SLC22A23: variants seen among roughly 807,000 people sequenced by gnomAD.
SLC22A23 encodes ion transporter protein.
SLC22A23 carries 26 observed loss-of-function variants against 61.0 expected under a neutral mutation model. The ratio of observed to expected loss-of-function variants is 0.43; its 90% confidence interval spans 0.31 to 0.59. The LOEUF is 0.59. Among genes scored for constraint, SLC22A23 ranks in the 20% least tolerant of loss-of-function variants. The pLI is 0.11. For synonymous variants in SLC22A23, 430 were observed against 413.9 expected (o/e 1.04, Z -0.47); for missense variants, 796 against 934.7 (o/e 0.85, Z 1.94).
intron 9 of SLC22A23, chr6:3,282,426 G>A (rs1311613788): frequency 4.7e-6 from 3 of 634,276 alleles, no homozygotes; most frequent in East Asian, 2.8e-5. Flanking sequence ...TGTAGGATAC[G>A]ATCCAAGAGA....
intron 3 of SLC22A23, among the ~76,000 whole-genome samples, chr6:3,341,096 A>G (rs1011664810): frequency 1.5e-4 from 23 of 152,206 alleles, no homozygotes; most frequent in Non-Finnish European, 2.8e-4. Flanking sequence ...CACATTCGGA[A>G]CATACAGCAT....
chr6:3,297,859 T>C lies in SLC22A23; in HGVS notation c.1210+232A>G, dbSNP rs956550828. 6.6e-6 allele frequency among the ~76,000 whole-genome samples: 1 copy of C among 152,182 alleles called. No homozygotes were observed. The highest frequency in any genetic ancestry group is 2.4e-5 in the African/African-American group (1 of 41,446). On this transcript the variant is annotated intron_variant, in intron 5 of 9. Transcript: ENST00000406686. This position sits in a 1 kb window ranked among gnomAD's most constrained non-coding sequence, Gnocchi z 4.3. ...TGGGCTCATGGCTCGCTTCTGCATT[T>C]AGACAGGAGATGAGCAGATCCAGAG... is the stretch of plus-strand genomic sequence containing the variant.
chr6:3,456,572 C>G lies in SLC22A23; in HGVS notation c.-13G>C, dbSNP rs937446802. On this transcript the variant is annotated 5_prime_UTR_variant, in exon 1 of 10. Coordinates refer to ENST00000406686, the MANE Select transcript of SLC22A23 (RefSeq NM_015482.2). The surrounding 1 kb of genome is among the most constrained non-coding windows in gnomAD (Gnocchi z 7.1). Reference sequence around the variant, plus strand: ...GGTCTATGGCCATGGCCCGGGCCCGCGGCTCCCGCAGAGGCGCATAGAGCG... The same window carrying G: ...GGTCTATGGCCATGGCCCGGGCCCGGGGCTCCCGCAGAGGCGCATAGAGCG... 83 of 983,154 alleles carry G rather than the reference C, an allele frequency of 8.4e-5. No homozygotes were observed. Among genetic ancestry groups the G allele is most frequent in the Non-Finnish European group, 1.0e-4 (83 of 830,172 alleles). The allele number at this position is 983,154 out of a possible 1,614,324, so 60.9% of individuals were successfully genotyped here.
chr6:3,438,831 C>T (rs13213207), intron 1 of SLC22A23, among the ~76,000 whole-genome samples: 21,639 of 152,188 alleles, frequency 0.14, 1,754 homozygotes, highest in Non-Finnish European at 0.18. Flanking sequence ...TATTCCATAA[C>T]GAGCTCAGCA....
rs1353541265 is a variant in SLC22A23, at chr6:3,342,158, G to A, written c.914-18156C>T. Among the ~76,000 whole-genome samples the A allele has an allele frequency of 6.6e-6, 1 of 152,082 alleles. No individual in the cohort carries two copies. The highest frequency in any genetic ancestry group is 1.5e-5 in the Non-Finnish European group (1 of 68,008). On this transcript the variant is annotated intron_variant, in intron 3 of 9. Coordinates refer to ENST00000406686, the MANE Select transcript of SLC22A23 (RefSeq NM_015482.2). This position sits in a 1 kb window ranked among gnomAD's most constrained non-coding sequence, Gnocchi z 4.0. ...CATACTATGGGTTTAAATTTTAGGT[G>A]TGTCTGCGTGAAAATGAAAACTTAT...
At chr6:3,366,126 C>T (rs191421380) in intron 3 of SLC22A23, among the ~76,000 whole-genome samples, 13 of 151,894 alleles carry the variant, frequency 8.6e-5, no homozygotes, top group African/African-American at 2.9e-4. Flanking sequence ...GTCAGGAGAT[C>T]GAGACCACCC....
chr6:3,283,506 C>T (rs1421963525), intron 9 of SLC22A23: 1 of 339,554 alleles, frequency 2.9e-6, no homozygotes, highest in African/African-American at 2.1e-5. Context: ...GGTCTCTTAG[C>T]AGAGTTGGCA....
intron 3 of SLC22A23, among the ~76,000 whole-genome samples, chr6:3,331,279 A>C (rs1268145001): frequency 2.3e-4 from 35 of 152,166 alleles, no homozygotes. Flanking sequence ...TCTAAGCTCC[A>C]AGGAGGGAAG....
chr6:3,315,567 A>C (rs879886493), intron 4 of SLC22A23, among the ~76,000 whole-genome samples: 1 of 152,170 alleles, frequency 6.6e-6, no homozygotes, highest in Non-Finnish European at 1.5e-5. Flanking sequence ...TATTTCATGT[A>C]AGAAAAGTGT....
Position 3,342,133 on chromosome 6 carries a change from C to T in SLC22A23, c.914-18131G>A, listed in dbSNP as rs1357376723. Among the ~76,000 whole-genome samples the T allele has an allele frequency of 2.6e-5, 4 of 152,194 alleles. No individual in the cohort carries two copies. The South Asian group carries it at 8.3e-4, about 32-fold the overall frequency. On this transcript the variant is annotated intron_variant, in intron 3 of 9. Coordinates refer to ENST00000406686, the MANE Select transcript of SLC22A23 (RefSeq NM_015482.2). This position sits in a 1 kb window ranked among gnomAD's most constrained non-coding sequence, Gnocchi z 4.0. ...AACTAGCATTTTGTTCCTCTAGGTA[C>T]ATACTATGGGTTTAAATTTTAGGTG...
At chr6:3,385,000 T>C (rs1446743999) in intron 3 of SLC22A23, among the ~76,000 whole-genome samples, 1 of 152,212 alleles carries the variant, frequency 6.6e-6, no homozygotes, top group African/African-American at 2.4e-5. Flanking sequence ...ACAAATGCTG[T>C]ATGAATCCAT....
rs568194989 is a variant in SLC22A23 at position 3,285,645 on chromosome 6, G to A, written c.1547-534C>T. 2.6e-5 allele frequency among the ~76,000 whole-genome samples: 4 copies of A among 152,330 alleles called. No individual in the cohort carries two copies. The South Asian group carries it at 8.3e-4, about 32-fold the overall frequency. Reference sequence around the variant, plus strand: ...CCTGGAAGGGCAGCTGGGGAACGGGGATGGAGGGAGACAGGCGCCACGTGT... The same window carrying A: ...CCTGGAAGGGCAGCTGGGGAACGGGAATGGAGGGAGACAGGCGCCACGTGT... On this transcript the variant is annotated intron_variant, in intron 7 of 9. Coordinates refer to ENST00000406686, the MANE Select transcript of SLC22A23 (RefSeq NM_015482.2).
intron 3 of SLC22A23, among the ~76,000 whole-genome samples, chr6:3,398,322 T>C (rs3813478): frequency 0.08 from 12,171 of 152,116 alleles, 766 homozygotes; most frequent in African/African-American, 0.17. Flanking sequence ...TCTGAGCCTT[T>C]TCCCAGAACT....
chr6:3,277,772 CT>C (rs1759045654), intron 9 of SLC22A23, among the ~76,000 whole-genome samples: 1 of 152,258 alleles, frequency 6.6e-6, no homozygotes, highest in Non-Finnish European at 1.5e-5. Flanking sequence ...AATTCCCACC[CT>C]TGTGCCTTGA....
intron 3 of SLC22A23, among the ~76,000 whole-genome samples, chr6:3,350,314 C>A (rs2127433643): frequency 6.6e-6 from 1 of 152,302 alleles, no homozygotes; most frequent in East Asian, 1.9e-4. Context: ...CCAAATCCTG[C>A]TGAAGGCTGC....
At chr6:3,341,861 A>C (rs2127423113) in intron 3 of SLC22A23, among the ~76,000 whole-genome samples, 1 of 152,286 alleles carries the variant, frequency 6.6e-6, no homozygotes, top group Admixed American at 6.5e-5. Context: ...CACACCTGTA[A>C]ATCCTTTAAA....
intron 3 of SLC22A23, among the ~76,000 whole-genome samples, chr6:3,326,416 G>C (rs1432303994): frequency 6.6e-6 from 1 of 152,106 alleles, no homozygotes; most frequent in African/African-American, 2.4e-5. Flanking sequence ...CCCAGACCTA[G>C]AGAATCAGCA....
At chr6:3,412,839 C>T (rs563711748) in intron 2 of SLC22A23, among the ~76,000 whole-genome samples, 3 of 152,132 alleles carry the variant, frequency 2.0e-5, no homozygotes, top group African/African-American at 7.2e-5. Flanking sequence ...GCTCTGAAGA[C>T]GGAGGATGGG....
At position 3,386,738 on chromosome 6, in the gene SLC22A23, G is replaced by A. The variant is rs1014668885; in HGVS notation, c.913+23450C>T. 3.3e-5 allele frequency among the ~76,000 whole-genome samples: 5 copies of A among 152,202 alleles called. No individual in the cohort carries two copies. The highest frequency in any genetic ancestry group is 6.5e-5 in the Admixed American group (1 of 15,292). On this transcript the variant is annotated intron_variant, in intron 3 of 9. Transcript: ENST00000406686. The surrounding 1 kb of genome is among the most constrained non-coding windows in gnomAD (Gnocchi z 4.4). ...CACCCAGCGTGGGAGGGGTGGAGGC[G>A]GCAGTGGGACTGGGTCTCCCACCCA...
Sources: allele counts gnomAD v4.1 joint callset (sites outside exome capture counted in the v4.1 genomes callset), GRCh38; gene constraint gnomAD v4.1.1; non-coding constraint Gnocchi (gnomAD v3.1); transcripts MANE v1.5; gene names NCBI Gene and HGNC (gene_info 2026-07-23, HGNC 2026-07-21).